Variants in THADA observed in about 807,000 individuals in gnomAD.
THADA encodes the protein THADA armadillo repeat containing, also known as tRNA (32-2'-O)-methyltransferase regulator THADA.
In THADA, 213 loss-of-function variants were observed where a neutral mutation model predicts 219.8. The observed-to-expected ratio is 0.97, with a 90% CI of 0.87 to 1.09. The LOEUF (loss-of-function observed/expected upper bound fraction) is 1.09, where lower values mean the gene tolerates loss of function less well. THADA is among the 50% of genes least tolerant of loss of function. The probability of loss-of-function intolerance (pLI) is 0.00; values close to 1 mark genes in which losing one functional copy is unlikely to be tolerated. For synonymous variants in THADA, 1,018 were observed against 828.9 expected (o/e 1.23, Z -3.92); for missense variants, 2,956 against 2,311.3 (o/e 1.28, Z -5.72).
Position 43,515,035 on chromosome 2 carries a change from TATAA to T in THADA, c.3375-6259_3375-6256del, listed in dbSNP as rs1443519189. ...TATTATATATTTTATATATAATATA[TATAA>T]ATATATATATTTTATATATAATATA... On this transcript the variant is annotated intron_variant, in intron 22 of 37. Coordinates refer to ENST00000405975, the MANE Select transcript of THADA (RefSeq NM_022065.5). Among the ~76,000 whole-genome samples, 6 of 41,836 alleles carry T rather than the reference TATAA, an allele frequency of 1.4e-4. No homozygotes were observed. The South Asian group carries it at 3.3e-3, about 23-fold the overall frequency. The allele number at this position is 41,836 out of a possible 152,430, so 27.4% of individuals were successfully genotyped here.
chr2:43,541,391 T>G (rs1695290789), intron 20 of THADA, 75 bp from the exon 21 acceptor site: 7 of 1,552,132 alleles, frequency 4.5e-6, no homozygotes, highest in Non-Finnish European at 6.2e-6. Flanking sequence ...AGCTTATTCA[T>G]AATTTCCCCA....
chr2:43,481,115 T>C (rs1203886389), intron 26 of THADA, among the ~76,000 whole-genome samples: 3 of 152,218 alleles, frequency 2.0e-5, no homozygotes, highest in African/African-American at 4.8e-5. Context: ...AGCCAGTCTG[T>C]CTGGAAATTG....
intron 29 of THADA, among the ~76,000 whole-genome samples, chr2:43,393,371 A>G (rs1673629031): frequency 6.6e-6 from 1 of 152,214 alleles, no homozygotes; most frequent in Non-Finnish European, 1.5e-5. Context: ...CATCAGAGGC[A>G]GCACATTCTA....
intron 30 of THADA, among the ~76,000 whole-genome samples, chr2:43,331,745 A>T (rs909509420): frequency 6.6e-6 from 1 of 152,070 alleles, no homozygotes; most frequent in Non-Finnish European, 1.5e-5. Context: ...TCTACCGCCC[A>T]TCTCAAATAT....
At chr2:43,556,621 A>G in intron 16 of THADA, 66 bp from the exon 17 acceptor site, 2 of 1,466,534 alleles carry the variant, frequency 1.4e-6, no homozygotes, top group South Asian at 1.3e-5. Context: ...AAAATAGTAA[A>G]TTTTTTAAAA....
intron 36 of THADA, among the ~76,000 whole-genome samples, chr2:43,273,989 G>A (rs139658196): frequency 2.0e-4 from 31 of 152,110 alleles, no homozygotes; most frequent in African/African-American, 7.2e-4. Context: ...CTTGCCTACT[G>A]CTCCCTCCTC....
chr2:43,554,400 T>A (rs1697107882), intron 17 of THADA, among the ~76,000 whole-genome samples: 1 of 152,096 alleles, frequency 6.6e-6, no homozygotes. Context: ...ATTCTAAATA[T>A]TAGATTTGGT....
intron 26 of THADA, among the ~76,000 whole-genome samples, chr2:43,447,138 A>G (rs1003268299): frequency 3.9e-5 from 6 of 152,160 alleles, no homozygotes; most frequent in Non-Finnish European, 7.4e-5. Flanking sequence ...AGGAGAGAGA[A>G]TAAGAGCCAA....
chr2:43,415,960 G>GA (rs35969749), intron 28 of THADA, among the ~76,000 whole-genome samples: 2 of 151,846 alleles, frequency 1.3e-5, no homozygotes, highest in African/African-American at 4.8e-5. Flanking sequence ...AAATCACACA[G>GA]AAAAAAGGGT....
chr2:43,273,916 G>GTT (rs1011969972), intron 36 of THADA, among the ~76,000 whole-genome samples: 8 of 152,064 alleles, frequency 5.3e-5, no homozygotes, highest in African/African-American at 1.4e-4. Context: ...TGCAGATGTT[G>GTT]TTTTTTTCCT....
At chr2:43,404,899 A>G (rs192627437) in intron 28 of THADA, among the ~76,000 whole-genome samples, 3 of 152,348 alleles carry the variant, frequency 2.0e-5, no homozygotes, top group Admixed American at 2.0e-4. Flanking sequence ...TAAATGAAAT[A>G]ATGCATGAAA....
intron 26 of THADA, among the ~76,000 whole-genome samples, chr2:43,451,248 C>T (rs77527404): frequency 0.11 from 16,795 of 152,120 alleles, 1,057 homozygotes; most frequent in African/African-American, 0.16. Flanking sequence ...TCCTGAACTG[C>T]CACCACGAGC....
intron 26 of THADA, among the ~76,000 whole-genome samples, chr2:43,447,888 T>C (rs1681784276): frequency 1.3e-5 from 2 of 152,360 alleles, no homozygotes; most frequent in South Asian, 4.1e-4. Context: ...TCTTTGCATA[T>C]ATCCCAATTT....
chr2:43,315,560 T>A (rs764676672), intron 31 of THADA, among the ~76,000 whole-genome samples: 1 of 152,138 alleles, frequency 6.6e-6, no homozygotes, highest in Non-Finnish European at 1.5e-5. Flanking sequence ...ACTCCTGGGT[T>A]GAAGGGATCC....
rs996435067 is a variant in THADA, at chr2:43,485,226, G to C, written c.3836+8C>G. 7.5e-6 allele frequency: 12 copies of C among 1,601,842 alleles called. No individual in the cohort carries two copies. In the Admixed American group the frequency reaches 1.2e-4, roughly 16 times the overall value. ...AAAAAAGTAAAGTTAGCCTTAAATG[G>C]AGCTTACCTATTTGTTTTGGAATGT... On this transcript the variant is annotated splice_region_variant and intron_variant, in intron 26 of 37. Transcript: ENST00000405975.
Position 43,468,152 on chromosome 2 carries a change from G to C in THADA, c.3836+17082C>G, listed in dbSNP as rs1172147237. Among the ~76,000 whole-genome samples, 3 of 152,306 alleles carry C rather than the reference G, an allele frequency of 2.0e-5. No individual in the cohort carries two copies. In the East Asian group the frequency reaches 5.8e-4, roughly 29 times the overall value. On this transcript the variant is annotated intron_variant, in intron 26 of 37. Transcript: ENST00000405975. The stretch of plus-strand genomic sequence containing the variant: ...TTTGTTGTTTATATTTTAAATAAAT[G>C]AAAATAGCCAGTCACACGGTGACTA...
chr2:43,439,840 G>C (rs1345364281), intron 26 of THADA, among the ~76,000 whole-genome samples: 1 of 152,066 alleles, frequency 6.6e-6, no homozygotes, highest in African/African-American at 2.4e-5. Context: ...TAGATCCAAG[G>C]TGTTTATTGC....
At chr2:43,280,673 C>A (rs557030765) in intron 35 of THADA, among the ~76,000 whole-genome samples, 111 of 151,730 alleles carry the variant, frequency 7.3e-4, no homozygotes, top group Non-Finnish European at 1.1e-3. Flanking sequence ...ACAACAACAA[C>A]AAAAAAAAGA....
At chr2:43,499,524 G>A (rs1688666425) in intron 24 of THADA, among the ~76,000 whole-genome samples, 1 of 152,046 alleles carries the variant, frequency 6.6e-6, no homozygotes, top group Admixed American at 6.5e-5. Flanking sequence ...TTACAGATAT[G>A]TGCCACCACG....
Sources: gnomAD v4.1 joint callset for allele counts (sites outside exome capture counted in the v4.1 genomes callset) on GRCh38, gnomAD v4.1.1 for gene constraint, MANE v1.5 for transcripts, NCBI Gene and HGNC (gene_info 2026-07-23, HGNC 2026-07-21) for gene names.